HIF1AN: variants seen among roughly 807,000 people sequenced by gnomAD.
HIF1AN encodes the protein hypoxia inducible factor 1 subunit alpha inhibitor, also known as hypoxia-inducible factor 1-alpha inhibitor.
A neutral mutation model predicts 47.7 loss-of-function variants in HIF1AN; 21 were observed. The observed-to-expected ratio is 0.44, with a 90% CI of 0.31 to 0.63. HIF1AN has a LOEUF of 0.63. HIF1AN is among the 30% of genes least tolerant of loss of function. The probability of loss-of-function intolerance (pLI) is 0.07; values close to 1 mark genes in which losing one functional copy is unlikely to be tolerated. For synonymous variants in HIF1AN, 152 were observed against 155.9 expected (o/e 0.98, Z 0.18); for missense variants, 320 against 432.7 (o/e 0.74, Z 2.31).
chr10:100,540,529 G>A (rs1288119871), intron 2 of HIF1AN, 105 bp from the exon 3 acceptor site: 2 of 1,258,758 alleles, frequency 1.6e-6, no homozygotes, highest in Non-Finnish European at 2.2e-6. Flanking sequence ...TGTTCTCTGT[G>A]GGAGATGCTG....
chr10:100,554,361 G>C lies in HIF1AN; in HGVS notation c.*6224G>C, dbSNP rs1843195603. The C allele has an allele frequency of 6.6e-6, 1 of 152,196 alleles. No homozygotes were observed. 9.4% of individuals were successfully genotyped at this position (152,196 alleles called of 1,614,324 possible). On this transcript the variant is annotated 3_prime_UTR_variant, in exon 8 of 8. Coordinates refer to ENST00000299163, the MANE Select transcript of HIF1AN (RefSeq NM_017902.3). ...TTTAAATTATATAAGTGTTGGCCAG[G>C]TGTGGTGGCTCACACCTGTAATCCC...
At chr10:100,539,478 A>G (rs1842998608) in intron 2 of HIF1AN, among the ~76,000 whole-genome samples, 1 of 152,218 alleles carries the variant, frequency 6.6e-6, no homozygotes, top group Admixed American at 6.5e-5. Context: ...ATCAGTTAAG[A>G]TAAACTAGGC....
Position 100,549,429 on chromosome 10 carries a change from T to C in HIF1AN, c.*1292T>C, listed in dbSNP as rs1043990928. 20 of 152,262 alleles carry C rather than the reference T, an allele frequency of 1.3e-4. No individual in the cohort carries two copies. The highest frequency in any genetic ancestry group is 4.8e-4 in the African/African-American group (20 of 41,436). 9.4% of individuals were successfully genotyped at this position (152,262 alleles called of 1,614,324 possible). Reference sequence around the variant, plus strand: ...TCAGGGCACGGGCAAACACATAGGCTTGCGTCTTAAAGCCAGCTCCTCTGC... The same window carrying C: ...TCAGGGCACGGGCAAACACATAGGCCTGCGTCTTAAAGCCAGCTCCTCTGC... On this transcript the variant is annotated 3_prime_UTR_variant, in exon 8 of 8. Transcript: ENST00000299163.
In HIF1AN at chr10:100,548,287, C is replaced by T. The variant is rs142003892; in HGVS notation, c.*150C>T. 11 of 608,730 alleles carry T rather than the reference C, an allele frequency of 1.8e-5. No individual in the cohort carries two copies. The highest frequency in any genetic ancestry group is 1.3e-4 in the South Asian group (5 of 39,182). 37.7% of individuals were successfully genotyped at this position (608,730 alleles called of 1,614,324 possible). On this transcript the variant is annotated 3_prime_UTR_variant, in exon 8 of 8. Transcript: ENST00000299163. ...TGGCCCAGGAGTCAGGTGTTTGGAG[C>T]GAGGCAGGGCAGTTGGCACTCCACT... is the stretch of plus-strand genomic sequence containing the variant.
intron 2 of HIF1AN, among the ~76,000 whole-genome samples, chr10:100,537,698 C>T (rs1343835831): frequency 2.6e-5 from 4 of 152,216 alleles, no homozygotes; most frequent in South Asian, 2.1e-4. Flanking sequence ...CAGTACTTCA[C>T]GGTGAATTAC....
Position 100,559,730 on chromosome 10 carries a change from T to C in HIF1AN, c.*11593T>C, listed in dbSNP as rs1056053136. 4 of 152,214 alleles carry C rather than the reference T, an allele frequency of 2.6e-5. No homozygotes were observed. Among genetic ancestry groups the C allele is most frequent in the Non-Finnish European group, 5.9e-5 (4 of 68,046 alleles). 9.4% of individuals were successfully genotyped at this position (152,214 alleles called of 1,614,324 possible). A position where few individuals can be genotyped will look rare whatever the true frequency, so the allele number is the denominator to read the frequency against. The stretch of plus-strand genomic sequence containing the variant: ...TGTGCCTGGCCTTGAATATATTTTT[T>C]AACCAAAGTAATTTATGAATATAAA... On this transcript the variant is annotated 3_prime_UTR_variant, in exon 8 of 8. Transcript: ENST00000299163.
intron 2 of HIF1AN, among the ~76,000 whole-genome samples, chr10:100,538,606 A>T (rs1398407453): frequency 3.3e-5 from 5 of 151,988 alleles, no homozygotes; most frequent in Admixed American, 3.3e-4. Context: ...AGATCACCTG[A>T]GGTCAGGAGT....
In HIF1AN at chr10:100,556,745, G is replaced by A. The variant is rs1843217276; in HGVS notation, c.*8608G>A. ...TTGCCACTAGCTAATTCTAACCTTAGGTAAGTCAGTGTCTCTGGGTCTCAA... is the reference window on the plus strand; with the variant it reads ...TTGCCACTAGCTAATTCTAACCTTAAGTAAGTCAGTGTCTCTGGGTCTCAA... On this transcript the variant is annotated 3_prime_UTR_variant, in exon 8 of 8. Coordinates refer to ENST00000299163, the MANE Select transcript of HIF1AN (RefSeq NM_017902.3). 6.6e-6 allele frequency: 1 copy of A among 152,214 alleles called. No homozygotes were observed. The highest frequency in any genetic ancestry group is 2.4e-5 in the African/African-American group (1 of 41,440). The allele number at this position is 152,214 out of a possible 1,614,324, so 9.4% of individuals were successfully genotyped here.
In HIF1AN at chr10:100,546,511, C is replaced by T. The variant is rs1482456899; in HGVS notation, c.831-7C>T. The T allele has an allele frequency of 7.2e-7, 1 of 1,392,040 alleles. No individual in the cohort carries two copies. The highest frequency in any genetic ancestry group is 9.5e-7 in the Non-Finnish European group (1 of 1,047,792). The allele number at this position is 1,392,040 out of a possible 1,614,324, so 86.2% of individuals were successfully genotyped here. Reference sequence around the variant, plus strand: ...TAGTAAACAGGAGCCTGTTTGTTTTCTTGCAGGTGGCATCACATAGAGTCA... The same window carrying T: ...TAGTAAACAGGAGCCTGTTTGTTTTTTTGCAGGTGGCATCACATAGAGTCA... On this transcript the variant is annotated splice_polypyrimidine_tract_variant and splice_region_variant and intron_variant, in intron 5 of 7. Coordinates refer to ENST00000299163, the MANE Select transcript of HIF1AN (RefSeq NM_017902.3).
chr10:100,544,363 G>A (rs1203495371), intron 3 of HIF1AN, among the ~76,000 whole-genome samples: 1 of 152,150 alleles, frequency 6.6e-6, no homozygotes, highest in East Asian at 1.9e-4. Context: ...GGTCACTTGA[G>A]CCCAGAAGTT....
At position 100,536,579 on chromosome 10, in the gene HIF1AN, C is replaced by T; in HGVS notation, c.346C>T (p.Pro116Ser). 1 of 1,614,116 alleles carries T rather than the reference C, an allele frequency of 6.2e-7. No individual in the cohort carries two copies. The highest frequency in any genetic ancestry group is 8.5e-7 in the Non-Finnish European group (1 of 1,180,004). ...GATGGCCAATTTCCAGAACTTTAAG[C>T]CGAGGTCCAACAGGGAAGAAATGAA... ...KKMANFQNFK[P>S]RSNREEMKFH... Residue 116 changes from proline to serine, a missense_variant, in exon 2 of 8, where the codon CCG becomes TCG. Transcript: ENST00000299163.
rs960226680 is a variant in HIF1AN at position 100,549,043 on chromosome 10, GGTGT to G, written c.*920_*923del. 0.014 allele frequency: 1,531 copies of G among 111,758 alleles called. 12 individuals are homozygous for G. The highest frequency in any genetic ancestry group is 0.018 in the Non-Finnish European group (912 of 51,164). 6.9% of individuals were successfully genotyped at this position (111,758 alleles called of 1,614,324 possible). On this transcript the variant is annotated 3_prime_UTR_variant, in exon 8 of 8. Coordinates refer to ENST00000299163, the MANE Select transcript of HIF1AN (RefSeq NM_017902.3). ...TCCACACTAGGGGTGCAAGCCTCTG[GGTGT>G]GTGTGTGTGTGTGCGTGCGTGTGTG...
intron 5 of HIF1AN, 73 bp downstream of exon 5, chr10:100,546,122 C>A: frequency 1.9e-6 from 2 of 1,048,866 alleles, no homozygotes; most frequent in Non-Finnish European, 1.5e-6. Context: ...TTGTCTGTGT[C>A]GCTTCTGAGT....
In HIF1AN at chr10:100,559,383, AAG is replaced by A. The variant is rs1412337402; in HGVS notation, c.*11251_*11252del. On this transcript the variant is annotated 3_prime_UTR_variant, in exon 8 of 8. Transcript: ENST00000299163. ...GTTAGCAGAACTTAAAAGCTTAGAA[AAG>A]AGAGGATTTTGGATATGTAACTTTG... The A allele has an allele frequency of 3.3e-5, 5 of 151,946 alleles. No individual in the cohort carries two copies. The highest frequency in any genetic ancestry group is 2.1e-4 in the South Asian group (1 of 4,834). The allele number at this position is 151,946 out of a possible 1,614,324, so 9.4% of individuals were successfully genotyped here. A position where few individuals can be genotyped will look rare whatever the true frequency, so the allele number is the denominator to read the frequency against.
Position 100,557,521 on chromosome 10 carries a change from A to G in HIF1AN, c.*9384A>G. 6.6e-6 allele frequency: 1 copy of G among 152,194 alleles called. No individual in the cohort carries two copies. Among genetic ancestry groups the G allele is most frequent in the East Asian group, 1.9e-4 (1 of 5,188 alleles). 9.4% of individuals were successfully genotyped at this position (152,194 alleles called of 1,614,324 possible). A position where few individuals can be genotyped will look rare whatever the true frequency, so the allele number is the denominator to read the frequency against. On this transcript the variant is annotated 3_prime_UTR_variant, in exon 8 of 8. Transcript: ENST00000299163. ...GAGTGCAGTGGCGTGATCTTGGCTC[A>G]CTGCAACCTCCACCTCCTCCAGGTT...
At position 100,548,170 on chromosome 10, in the gene HIF1AN, C is replaced by CT; in HGVS notation, c.*34dup. On this transcript the variant is annotated 3_prime_UTR_variant, in exon 8 of 8. Transcript: ENST00000299163. ...GGGGTCAAGGCCTCCTGCCAGGTGA[C>CT]TGCTATCCCGTCCACACCGCTTCAT... is the stretch of plus-strand genomic sequence containing the variant. The CT allele has an allele frequency of 6.3e-7, 1 of 1,584,092 alleles. No homozygotes were observed. The highest frequency in any genetic ancestry group is 8.6e-7 in the Non-Finnish European group (1 of 1,162,924).
At chr10:100,536,917 C>T (rs1453449118) in intron 2 of HIF1AN, among the ~76,000 whole-genome samples, 1 of 152,128 alleles carries the variant, frequency 6.6e-6, no homozygotes, top group Non-Finnish European at 1.5e-5. Flanking sequence ...TCTCTGGGTT[C>T]CCATCTTCTT....
chr10:100,547,262 C>T lies in HIF1AN; in HGVS notation c.1005+12C>T. 1 of 1,576,888 alleles carries T rather than the reference C, an allele frequency of 6.3e-7. No homozygotes were observed. The highest frequency in any genetic ancestry group is 8.7e-7 in the Non-Finnish European group (1 of 1,147,742). ...GGAACCCACAAGAGGTAGGTGACTG[C>T]CCCAAGGTGGCTCAGTGGGTGGGTT... On this transcript the variant is annotated intron_variant, in intron 7 of 7. Coordinates refer to ENST00000299163, the MANE Select transcript of HIF1AN (RefSeq NM_017902.3).
At chr10:100,544,867 GT>G in intron 3 of HIF1AN, 83 bp from the exon 4 acceptor site, 1 of 1,334,980 alleles carries the variant, frequency 7.5e-7, no homozygotes. Context: ...GGCAGGCTGG[GT>G]TTCTCTTTAG....
Sources: gnomAD v4.1 joint callset for allele counts (sites outside exome capture counted in the v4.1 genomes callset) on GRCh38, gnomAD v4.1.1 for gene constraint, MANE v1.5 for transcripts, NCBI Gene and HGNC (gene_info 2026-07-23, HGNC 2026-07-21) for gene names.